The following CEP164 variants were observed in gnomAD, a reference collection of about 807,000 sequenced individuals.
CEP164 encodes centrosomal protein of 164 kDa.
Under a neutral mutation model 182.7 loss-of-function variants are expected in CEP164, and 162 were observed. The ratio of observed to expected loss-of-function variants is 0.89; its 90% CI spans 0.78 to 1.01. The LOEUF is 1.01. Among genes scored for constraint, CEP164 ranks in the 50% least tolerant of loss-of-function variants. CEP164 has a pLI of 0.00. For missense variants in CEP164, 1,735 were observed against 1,790.4 expected (o/e 0.97, Z 0.56); for synonymous variants, 661 against 690.0 (o/e 0.96, Z 0.66).
rs548320492 is a variant in CEP164, at chr11:117,336,132, A to G, written c.-22+452A>G. 11 of 1,555,664 alleles carry G rather than the reference A, an allele frequency of 7.1e-6. No individual in the cohort carries two copies. The South Asian group carries it at 1.1e-4, about 16-fold the overall frequency. On this transcript the variant is annotated intron_variant, in intron 2 of 32. Transcript: ENST00000278935. The stretch of plus-strand genomic sequence containing the variant: ...ACAAGGGCTACTTTCCCCCAGTACA[A>G]CATGGCTTCTGAAGCTTGATGGGAG...
chr11:117,339,932 C>T (rs1221029161), intron 3 of CEP164, among the ~76,000 whole-genome samples: 1 of 152,084 alleles, frequency 6.6e-6, no homozygotes, highest in African/African-American at 2.4e-5. Context: ...GATTAACTTC[C>T]TGTGGATATA....
rs1351401285 is a variant in CEP164, at chr11:117,392,283, T to A, written c.2341T>A (p.Leu781Met). Residue 781 changes from leucine (L) to methionine (M), a missense_variant, in exon 18 of 33, where the codon TTG becomes ATG. Leu to Met is a conservative substitution (Grantham distance 15). Coordinates refer to ENST00000278935, the MANE Select transcript of CEP164 (RefSeq NM_014956.5). ...SAELERLCSS[L>M]EAKHREVVSS... ...TGAGCTGGAGCGGCTCTGCTCCTCA[T>A]TGGAGGCCAAGCACCGGGAGGTAAG... The A allele has an allele frequency of 1.9e-6, 3 of 1,611,402 alleles. No individual in the cohort carries two copies. The highest frequency in any genetic ancestry group is 2.5e-6 in the Non-Finnish European group (3 of 1,179,682).
intron 4 of CEP164, 108 bp from the exon 5 acceptor site, chr11:117,351,682 C>T (rs1054383448): frequency 1.0e-6 from 1 of 1,000,018 alleles, no homozygotes; most frequent in East Asian, 2.4e-5. Context: ...CCACCCCACT[C>T]TCTTCCTCCT....
At chr11:117,327,681 A>T (rs2035542433), upstream of CEP164, among the ~76,000 whole-genome samples, 2 of 151,872 alleles carry the variant, frequency 1.3e-5, no homozygotes, top group Non-Finnish European at 2.9e-5. Flanking sequence ...GCGGATTCCC[A>T]TTATCTATCT....
intron 4 of CEP164, among the ~76,000 whole-genome samples, chr11:117,346,323 C>T: frequency 6.6e-6 from 1 of 151,744 alleles, no homozygotes; most frequent in East Asian, 2.0e-4. Context: ...GGCTGGAGTG[C>T]AATGGCGCAA....
At chr11:117,373,650 GC>G in intron 9 of CEP164, 100 bp from the exon 10 acceptor site, 1 of 949,744 alleles carries the variant, frequency 1.1e-6, no homozygotes, top group Admixed American at 1.9e-5. Context: ...TTTGACCTGA[GC>G]CCTATATTGG....
intron 10 of CEP164, 60 bp downstream of exon 10, chr11:117,373,891 G>C: frequency 6.8e-7 from 1 of 1,466,740 alleles, no homozygotes; most frequent in South Asian, 1.1e-5. Context: ...TGAGCCTCCA[G>C]GGTTAAGTAA....
chr11:117,356,647 G>T, intron 5 of CEP164: 2 of 1,251,548 alleles, frequency 1.6e-6, no homozygotes, highest in East Asian at 6.1e-5. Flanking sequence ...TGGCCTAAAG[G>T]CCTAAACTTG....
chr11:117,323,816 G>A (rs1158938800), upstream of CEP164: 1 of 375,536 alleles, frequency 2.7e-6, no homozygotes, highest in Non-Finnish European at 5.5e-6. Context: ...TCTCATTGTG[G>A]TTTTGGTTTG....
chr11:117,344,040 A>T (rs2038524457), intron 3 of CEP164, 126 bp from the exon 4 acceptor site: 1 of 618,282 alleles, frequency 1.6e-6, no homozygotes, highest in Non-Finnish European at 2.9e-6. Flanking sequence ...ATATATGTTT[A>T]TTGTTTATAA....
chr11:117,362,376 C>A, intron 6 of CEP164, 28 bp from the exon 7 acceptor site: 1 of 1,602,990 alleles, frequency 6.2e-7, no homozygotes, highest in South Asian at 1.1e-5. Context: ...CCAAGTGAGT[C>A]CTTTGACTGT....
chr11:117,340,753 G>A (rs2037985804), intron 3 of CEP164, among the ~76,000 whole-genome samples: 1 of 152,138 alleles, frequency 6.6e-6, no homozygotes, highest in Non-Finnish European at 1.5e-5. Context: ...TGAACTCCTG[G>A]GTTCAAGTGA....
At chr11:117,402,970 A>G (rs569665049) in intron 27 of CEP164, among the ~76,000 whole-genome samples, 114 of 152,294 alleles carry the variant, frequency 7.5e-4, no homozygotes, top group Non-Finnish European at 1.4e-3. Context: ...AGTCTGTTTT[A>G]TCAGAGACTA....
rs749917555 is a variant in CEP164 at position 117,351,922 on chromosome 11, TAAG to T, written c.336_338del (p.Lys116del). 6 of 1,611,876 alleles carry T rather than the reference TAAG, an allele frequency of 3.7e-6. No homozygotes were observed. Among genetic ancestry groups the T allele is most frequent in the African/African-American group, 2.7e-5 (2 of 74,264 alleles). ...CAAAGCTGTCAACTTCTGGGGCCAT[TAAG>T]AAGAAGAAAAAAAAAAAGGAAAAGA... is the stretch of plus-strand genomic sequence containing the variant. On this transcript the variant is annotated inframe_deletion, in exon 5 of 33. Transcript: ENST00000278935.
chr11:117,345,325 C>T (rs539109910), intron 4 of CEP164, among the ~76,000 whole-genome samples: 14 of 152,144 alleles, frequency 9.2e-5, no homozygotes, highest in South Asian at 2.1e-4. Flanking sequence ...GCTCCCTGCT[C>T]GTGGTGACAC....
chr11:117,327,383 AT>A (rs1259116767), upstream of CEP164, among the ~76,000 whole-genome samples: 1 of 152,116 alleles, frequency 6.6e-6, no homozygotes, highest in Non-Finnish European at 1.5e-5. Context: ...TAATTAGATA[AT>A]TCACATTAGT....
intron 30 of CEP164, chr11:117,410,269 G>A (rs2047202535): frequency 5.7e-6 from 3 of 523,844 alleles, no homozygotes; most frequent in African/African-American, 3.8e-5. Flanking sequence ...AACCTAAAAG[G>A]TCATTGTCGT....
chr11:117,386,771 T>C (rs1205004759), intron 14 of CEP164: 2 of 183,052 alleles, frequency 1.1e-5, no homozygotes, highest in Non-Finnish European at 2.3e-5. Flanking sequence ...CTCTGGGGAC[T>C]GTTCACAAAT....
At chr11:117,403,551 G>T (rs1364823074) in intron 27 of CEP164, among the ~76,000 whole-genome samples, 2 of 152,150 alleles carry the variant, frequency 1.3e-5, no homozygotes, top group Non-Finnish European at 2.9e-5. Context: ...TTCCCTTTGT[G>T]GGTAACCCGA....
Sources: allele counts gnomAD v4.1 joint callset (sites outside exome capture counted in the v4.1 genomes callset), GRCh38; gene constraint gnomAD v4.1.1; transcripts MANE v1.5; gene names NCBI Gene and HGNC (gene_info 2026-07-23, HGNC 2026-07-21).